LRTM3: variants seen among roughly 807,000 people sequenced by gnomAD.
The protein encoded by LRTM3 is leucine rich repeat transmembrane protein 3, also known as leucine-rich repeat transmembrane protein 3.
chr13:102,732,961 A>G, the LRTM3 span: 2 of 1,551,426 alleles, frequency 1.3e-6, no homozygotes, highest in Admixed American at 3.9e-5. Context: ...ATTCCAGAAC[A>G]CCTTCCTCTT....
the LRTM3 span, chr13:102,737,084 C>A: frequency 6.4e-7 from 1 of 1,551,172 alleles, no homozygotes; most frequent in African/African-American, 1.4e-5. Flanking sequence ...TGAGCCACTG[C>A]TGCCAGGGAT....
the LRTM3 span, chr13:102,750,346 T>G: frequency 6.5e-7 from 1 of 1,532,986 alleles, no homozygotes; most frequent in South Asian, 1.2e-5. Flanking sequence ...TTTCTTCAGA[T>G]GTAAGTGATG....
At chr13:102,740,912 G>A in the LRTM3 span, 2 of 1,549,902 alleles carry the variant, frequency 1.3e-6, no homozygotes, top group South Asian at 1.2e-5. Context: ...AGCCTCGTGT[G>A]TACTTTCTTG....
the LRTM3 span, chr13:102,737,720 C>A: frequency 6.4e-7 from 1 of 1,550,666 alleles, no homozygotes; most frequent in Non-Finnish European, 8.7e-7. Context: ...TTGTACTTCA[C>A]TTGCGCTATC....
At chr13:102,744,117 C>T in the LRTM3 span, 6 of 1,550,518 alleles carry the variant, frequency 3.9e-6, no homozygotes, top group Non-Finnish European at 5.2e-6. Flanking sequence ...CATTGCTTCC[C>T]TTTCATCTTG....
chr13:102,746,874 A>G, the LRTM3 span: 5 of 1,551,308 alleles, frequency 3.2e-6, no homozygotes, highest in Non-Finnish European at 4.4e-6. Flanking sequence ...TCTGCAGTGC[A>G]TTTGCAGTCT....
the LRTM3 span, chr13:102,758,462 A>G: frequency 6.5e-7 from 1 of 1,539,518 alleles, no homozygotes; most frequent in East Asian, 2.5e-5. Flanking sequence ...GCTGAATAGG[A>G]ATAAAAAAGT....
chr13:102,749,074 C>T, the LRTM3 span: 18 of 1,549,972 alleles, frequency 1.2e-5, no homozygotes, highest in Non-Finnish European at 1.5e-5. Flanking sequence ...AAATAAGATG[C>T]AAAGCTATAT....
chr13:102,734,725 A>G, the LRTM3 span: 8 of 1,551,184 alleles, frequency 5.2e-6, no homozygotes, highest in Non-Finnish European at 7.0e-6. Flanking sequence ...TTAGCATTTC[A>G]TTACCTAAAT....
chr13:102,744,585 CTATG>C, the LRTM3 span: 1 of 1,550,338 alleles, frequency 6.5e-7, no homozygotes, highest in Non-Finnish European at 8.7e-7. Context: ...GTTTTTTGCA[CTATG>C]TGAGACAAAT....
At chr13:102,738,059 T>A in the LRTM3 span, 4 of 1,550,190 alleles carry the variant, frequency 2.6e-6, no homozygotes, top group South Asian at 4.8e-5. Context: ...CTCTTTCCCT[T>A]GCTCCTCACC....
chr13:102,735,010 T>C, the LRTM3 span: 3 of 1,551,108 alleles, frequency 1.9e-6, no homozygotes, highest in Non-Finnish European at 2.6e-6. Flanking sequence ...GAAAAGAGGG[T>C]CTTGTTAATA....
the LRTM3 span, chr13:102,744,796 A>C: frequency 3.9e-6 from 6 of 1,550,392 alleles, no homozygotes; most frequent in Non-Finnish European, 5.2e-6. Context: ...TTTCCATGTC[A>C]GTCAAATTGG....
At chr13:102,729,610 G>C in the LRTM3 span, 2 of 1,544,820 alleles carry the variant, frequency 1.3e-6, no homozygotes, top group Admixed American at 2.0e-5. Flanking sequence ...GAATGGTTTT[G>C]GGTATAACCT....
the LRTM3 span, chr13:102,748,091 C>T: frequency 6.4e-7 from 1 of 1,551,064 alleles, no homozygotes; most frequent in Non-Finnish European, 8.7e-7. Context: ...CCTTATTATT[C>T]TTAATGTGTC....
At chr13:102,753,950 C>T in the LRTM3 span, among the ~76,000 whole-genome samples, 1 of 152,132 alleles carries the variant, frequency 6.6e-6, no homozygotes, top group African/African-American at 2.4e-5. Context: ...GTGGCTCACG[C>T]CTGTAATCCC....
the LRTM3 span, chr13:102,747,937 C>G: frequency 6.4e-7 from 1 of 1,551,252 alleles, no homozygotes; most frequent in East Asian, 2.4e-5. Flanking sequence ...AGCCTTGTGT[C>G]AGCTCTGAAT....
the LRTM3 span, among the ~76,000 whole-genome samples, chr13:102,756,366 C>A: frequency 6.0e-5 from 9 of 150,900 alleles, no homozygotes; most frequent in African/African-American, 2.2e-4. Context: ...CAAGGCCATG[C>A]CATCATTAAG....
the LRTM3 span, chr13:102,758,557 T>C: frequency 2.0e-5 from 31 of 1,548,256 alleles, no homozygotes; most frequent in Non-Finnish European, 2.7e-5. Context: ...TTTCCTGCTT[T>C]TGGGGCAACT....
Sources: gnomAD v4.1 joint callset for allele counts (sites outside exome capture counted in the v4.1 genomes callset) on GRCh38, gnomAD v4.1.1 for gene constraint, MANE v1.5 for transcripts, NCBI Gene and HGNC (gene_info 2026-07-23, HGNC 2026-07-21) for gene names.